PRIM2: variants seen among roughly 807,000 people sequenced by gnomAD.
PRIM2 encodes the protein DNA primase large subunit.
PRIM2 carries 39 observed loss-of-function variants against 67.3 expected under a neutral mutation model. The observed-to-expected ratio is 0.58, with a 90% CI of 0.45 to 0.76. The LOEUF (loss-of-function observed/expected upper bound fraction) is 0.76. Ranked by LOEUF, PRIM2 falls within the 30% of genes least tolerant of loss-of-function variation. The pLI, the probability that PRIM2 is intolerant of heterozygous loss-of-function variation, is 0.00. For synonymous variants in PRIM2, 143 were observed against 198.7 expected (o/e 0.72, Z 2.36); for missense variants, 398 against 598.7 (o/e 0.66, Z 3.50).
chr6:57,536,835 G>A (rs1227313550), intron 9 of PRIM2, among the ~76,000 whole-genome samples: 2 of 152,196 alleles, frequency 1.3e-5, no homozygotes, highest in Non-Finnish European at 2.9e-5. Flanking sequence ...AGGGAGGGGA[G>A]CAGGGTGCAA....
chr6:57,494,431 G>A (rs1168210276), intron 7 of PRIM2, among the ~76,000 whole-genome samples: 39 of 152,278 alleles, frequency 2.6e-4, no homozygotes, highest in Admixed American at 7.2e-4. Context: ...ATAGAAAAAT[G>A]TAGTAACCTA....
chr6:57,610,280 C>A (rs1240729963), intron 12 of PRIM2, among the ~76,000 whole-genome samples: 4 of 152,140 alleles, frequency 2.6e-5, no homozygotes, highest in Non-Finnish European at 4.4e-5. Context: ...GTTGGCCAGG[C>A]CAGTCTTAAA....
chr6:57,618,743 C>T (rs1776797591), intron 12 of PRIM2, among the ~76,000 whole-genome samples: 5 of 152,258 alleles, frequency 3.3e-5, no homozygotes, highest in African/African-American at 9.6e-5. Flanking sequence ...GGGAATCTCA[C>T]CCCGTCCCCC....
At chr6:57,486,657 C>T (rs1773759952) in intron 7 of PRIM2, among the ~76,000 whole-genome samples, 1 of 152,206 alleles carries the variant, frequency 6.6e-6, no homozygotes, top group Non-Finnish European at 1.5e-5. Context: ...TCAACTCCCC[C>T]AACAGTTGTA....
the PRIM2 span, among the ~76,000 whole-genome samples, chr6:57,261,745 A>G: frequency 6.6e-6 from 1 of 151,928 alleles, no homozygotes; most frequent in Non-Finnish European, 1.5e-5. Flanking sequence ...AGGTTGGGTT[A>G]TTTTTCCCCA....
intron 7 of PRIM2, among the ~76,000 whole-genome samples, chr6:57,486,328 A>G (rs1773752772): frequency 1.3e-5 from 2 of 152,226 alleles, no homozygotes. Flanking sequence ...TATCCTGCTC[A>G]TGGTCATCGC....
At chr6:57,286,774 A>C in the PRIM2 span, among the ~76,000 whole-genome samples, 1 of 152,200 alleles carries the variant, frequency 6.6e-6, no homozygotes, top group Non-Finnish European at 1.5e-5. Flanking sequence ...TAAATAAACT[A>C]ATAAGCTTCT....
At chr6:57,456,608 A>C (rs1020171592) in intron 7 of PRIM2, among the ~76,000 whole-genome samples, 8 of 152,082 alleles carry the variant, frequency 5.3e-5, no homozygotes, top group Non-Finnish European at 1.2e-4. Flanking sequence ...TTCGTCACGT[A>C]GTTCTCGTGC....
At chr6:57,577,857 AG>A (rs1775991739) in intron 10 of PRIM2, among the ~76,000 whole-genome samples, 2 of 152,246 alleles carry the variant, frequency 1.3e-5, no homozygotes, top group South Asian at 4.1e-4. Context: ...TTCAACTATC[AG>A]AATCAACAAA....
chr6:57,540,089 A>G (rs1775115976), intron 10 of PRIM2, among the ~76,000 whole-genome samples: 2 of 152,174 alleles, frequency 1.3e-5, no homozygotes, highest in Non-Finnish European at 2.9e-5. Flanking sequence ...GACCCTCTTC[A>G]AGCGATGTGA....
At chr6:57,330,384 T>TTTTTTTTTTTTTTTTG (rs1562696759) in intron 5 of PRIM2, among the ~76,000 whole-genome samples, 19 of 35,136 alleles carry the variant, frequency 5.4e-4, no homozygotes, top group African/African-American at 1.6e-3. Context: ...TGTTTTTTTG[T>TTTTTTTTTTTTTTTTG]TTTTTTTTTT....
chr6:57,420,549 C>T (rs1033393033), intron 7 of PRIM2, among the ~76,000 whole-genome samples: 2 of 152,176 alleles, frequency 1.3e-5, no homozygotes, highest in Non-Finnish European at 2.9e-5. Context: ...CTGTGAGCTT[C>T]CTAGTAGCCT....
At chr6:57,483,978 G>C (rs1380002032) in intron 7 of PRIM2, among the ~76,000 whole-genome samples, 1 of 152,178 alleles carries the variant, frequency 6.6e-6, no homozygotes, top group Non-Finnish European at 1.5e-5. Flanking sequence ...AGTGGCCTGA[G>C]TTTGGTCCTA....
At chr6:57,496,221 T>A (rs1774001227) in intron 7 of PRIM2, among the ~76,000 whole-genome samples, 1 of 152,222 alleles carries the variant, frequency 6.6e-6, no homozygotes, top group Non-Finnish European at 1.5e-5. Context: ...GATTACTTAA[T>A]AAAGAATGTA....
chr6:57,443,103 G>A (rs546539282), intron 7 of PRIM2, among the ~76,000 whole-genome samples: 1 of 152,210 alleles, frequency 6.6e-6, no homozygotes, highest in African/African-American at 2.4e-5. Flanking sequence ...AGGCTGAATA[G>A]TACTCTATTG....
chr6:57,299,284 T>C, the PRIM2 span, among the ~76,000 whole-genome samples: 48 of 152,180 alleles, frequency 3.2e-4, no homozygotes, highest in South Asian at 4.1e-4. Context: ...ATTTTCAACT[T>C]GATAAAATAA....
At chr6:57,411,243 GCTT>G (rs1252615957) in intron 7 of PRIM2, among the ~76,000 whole-genome samples, 4 of 152,048 alleles carry the variant, frequency 2.6e-5, no homozygotes, top group African/African-American at 9.7e-5. Flanking sequence ...ATGTCGCTAT[GCTT>G]CTTGTATAGC....
intron 10 of PRIM2, among the ~76,000 whole-genome samples, chr6:57,552,818 C>T (rs1775430520): frequency 6.6e-6 from 1 of 152,028 alleles, no homozygotes; most frequent in Non-Finnish European, 1.5e-5. Flanking sequence ...TTTCTCTCCA[C>T]CTATCTTTTC....
intron 5 of PRIM2, among the ~76,000 whole-genome samples, chr6:57,355,922 A>G (rs1379353171): frequency 7.9e-5 from 12 of 152,176 alleles, no homozygotes; most frequent in African/African-American, 2.9e-4. Flanking sequence ...GATTGCAGGT[A>G]TGAGCCACTG....
Sources: allele counts gnomAD v4.1 joint callset (sites outside exome capture counted in the v4.1 genomes callset), GRCh38; gene constraint gnomAD v4.1.1; transcripts MANE v1.5; gene names NCBI Gene and HGNC (gene_info 2026-07-23, HGNC 2026-07-21).